PDZD9: variants seen among roughly 807,000 people sequenced by gnomAD.
PDZD9 encodes the protein PDZ domain-containing protein 9.
A neutral mutation model predicts 16.3 loss-of-function variants in PDZD9; 13 were observed. That is an observed-to-expected ratio of 0.80 (90% CI 0.52 to 1.27). PDZD9 has a LOEUF of 1.27. PDZD9 is among the 50% of genes most tolerant of loss of function. The probability of loss-of-function intolerance (pLI) is 0.00; values close to 1 mark genes in which losing one functional copy is unlikely to be tolerated. For missense variants in PDZD9, 288 were observed against 310.9 expected, an observed-to-expected ratio of 0.93 and a Z score of 0.55; for synonymous variants, 120 against 111.0, an observed-to-expected ratio of 1.08 and a Z score of -0.51.
chr16:21,988,812 G>T (rs1219783515), intron 2 of PDZD9, 21 bp from the exon 3 acceptor site: 2 of 1,568,568 alleles, frequency 1.3e-6, no homozygotes, highest in African/African-American at 2.7e-5. Flanking sequence ...AAAAAATTAT[G>T]TATCAGTAAA....
In PDZD9 at chr16:21,984,173, A is replaced by G; in HGVS notation, c.*94T>C. 1 of 1,374,714 alleles carries G rather than the reference A, an allele frequency of 7.3e-7. No homozygotes were observed. The highest frequency in any genetic ancestry group is 1.4e-5 in the South Asian group (1 of 70,652). The allele number at this position is 1,374,714 out of a possible 1,614,324, so 85.2% of individuals were successfully genotyped here. On this transcript the variant is annotated 3_prime_UTR_variant, in exon 4 of 4. Coordinates refer to ENST00000424898, the MANE Select transcript of PDZD9 (RefSeq NM_001363519.1). ...ATAAGAGAAGAGAATTGGTGAGTCT[A>G]CAGACAGTCCTTGATAAGTACAGCA...
In PDZD9 at chr16:21,988,793, T is replaced by C. The variant is rs1898949834; in HGVS notation, c.212-2A>G. On this transcript the variant is annotated splice_acceptor_variant, in intron 2 of 3. Coordinates refer to ENST00000424898, the MANE Select transcript of PDZD9 (RefSeq NM_001363519.1). LOFTEE classifies it high-confidence loss of function. ...GGCCAACACTAATCAGAACATCACCTGAAGAGGGAAAAAATTATGTATCAG... is the reference window on the plus strand; with the variant it reads ...GGCCAACACTAATCAGAACATCACCCGAAGAGGGAAAAAATTATGTATCAG... The C allele has an allele frequency of 6.3e-7, 1 of 1,593,468 alleles. No homozygotes were observed. Among genetic ancestry groups the C allele is most frequent in the Non-Finnish European group, 8.5e-7 (1 of 1,174,674 alleles).
At chr16:21,975,508 A>G in the PDZD9 span, among the ~76,000 whole-genome samples, 1 of 152,198 alleles carries the variant, frequency 6.6e-6, no homozygotes, top group Non-Finnish European at 1.5e-5. Flanking sequence ...CCCAGCCAGC[A>G]CTGGGATGGA....
the PDZD9 span, among the ~76,000 whole-genome samples, chr16:21,970,142 A>G: frequency 3.3e-5 from 5 of 152,326 alleles, no homozygotes; most frequent in East Asian, 5.8e-4. Flanking sequence ...GCATGTGTCA[A>G]TTCAATGTCT....
At chr16:22,000,274 C>T (rs1297084200) in intron 1 of PDZD9, among the ~76,000 whole-genome samples, 1 of 150,450 alleles carries the variant, frequency 6.6e-6, no homozygotes, top group Middle Eastern at 3.2e-3. Flanking sequence ...ATGAAAGGGC[C>T]AAAGTCCCTA....
the PDZD9 span, chr16:21,962,352 T>G: frequency 1.5e-6 from 2 of 1,367,152 alleles, no homozygotes; most frequent in Middle Eastern, 1.8e-4. Context: ...TTCGCACCTT[T>G]TATACTTCAG....
At chr16:21,973,615 A>G in the PDZD9 span, among the ~76,000 whole-genome samples, 11 of 152,354 alleles carry the variant, frequency 7.2e-5, no homozygotes, top group South Asian at 1.2e-3. Flanking sequence ...TAGTGTTTGC[A>G]TAAACCTTTA....
At chr16:21,966,469 A>G in the PDZD9 span, among the ~76,000 whole-genome samples, 1 of 152,222 alleles carries the variant, frequency 6.6e-6, no homozygotes, top group Non-Finnish European at 1.5e-5. Flanking sequence ...AGACCCAAAA[A>G]CAAATTTTAT....
chr16:21,969,655 G>A, the PDZD9 span, among the ~76,000 whole-genome samples: 37 of 151,942 alleles, frequency 2.4e-4, no homozygotes, highest in African/African-American at 8.9e-4. Flanking sequence ...AATATTTTTT[G>A]TTTTGTTTTG....
At chr16:21,966,417 T>C in the PDZD9 span, among the ~76,000 whole-genome samples, 1 of 152,144 alleles carries the variant, frequency 6.6e-6, no homozygotes, top group Non-Finnish European at 1.5e-5. Flanking sequence ...TCTACAAGTG[T>C]AGATATGTGC....
chr16:21,989,736 C>T (rs966436670), intron 2 of PDZD9, among the ~76,000 whole-genome samples: 5 of 152,276 alleles, frequency 3.3e-5, no homozygotes, highest in East Asian at 1.9e-4. Context: ...CTTAGGGCAA[C>T]GCAGGATAAG....
chr16:21,972,140 G>T, the PDZD9 span: 1 of 1,605,858 alleles, frequency 6.2e-7, no homozygotes, highest in Non-Finnish European at 8.5e-7. Context: ...TGAACAGTTG[G>T]TATCTCTCTT....
chr16:21,966,150 C>CA, the PDZD9 span, among the ~76,000 whole-genome samples: 12,369 of 140,248 alleles, frequency 0.088, 740 homozygotes, highest in South Asian at 0.31. Flanking sequence ...CCTGTCTCTA[C>CA]AAAAAAAAAA....
At chr16:21,987,709 G>A (rs1331859389) in intron 3 of PDZD9, among the ~76,000 whole-genome samples, 1 of 152,146 alleles carries the variant, frequency 6.6e-6, no homozygotes, top group South Asian at 2.1e-4. Flanking sequence ...GGCTATGGGT[G>A]GCCCTGGGAA....
At chr16:21,963,834 T>C in the PDZD9 span, among the ~76,000 whole-genome samples, 1 of 152,180 alleles carries the variant, frequency 6.6e-6, no homozygotes, top group Non-Finnish European at 1.5e-5. Flanking sequence ...CTGCTGCTAT[T>C]ATTGCTTACT....
At chr16:21,985,299 T>C (rs1898850193) in intron 3 of PDZD9, among the ~76,000 whole-genome samples, 1 of 151,982 alleles carries the variant, frequency 6.6e-6, no homozygotes, top group Admixed American at 6.6e-5. Flanking sequence ...AATTTTTATT[T>C]ATTTTTATTT....
chr16:21,980,364 T>TA (rs989234937), downstream of PDZD9: 16 of 659,644 alleles, frequency 2.4e-5, no homozygotes, highest in African/African-American at 2.5e-4. Context: ...CCTTCAGACT[T>TA]ACTGTTTTAG....
At chr16:21,980,378 G>A, downstream of PDZD9, 2 of 720,910 alleles carry the variant, frequency 2.8e-6, no homozygotes, top group Non-Finnish European at 4.5e-6. Context: ...GTTTTAGTAT[G>A]TTCCAGAGAA....
chr16:21,962,772 T>A, the PDZD9 span: 1 of 1,614,170 alleles, frequency 6.2e-7, no homozygotes, highest in Non-Finnish European at 8.5e-7. Flanking sequence ...GATATTCTAA[T>A]GGAGTTCCTG....
Sources: allele counts gnomAD v4.1 joint callset (sites outside exome capture counted in the v4.1 genomes callset), GRCh38; gene constraint gnomAD v4.1.1; transcripts MANE v1.5; gene names NCBI Gene and HGNC (gene_info 2026-07-23, HGNC 2026-07-21).